Variants in NEGR1 observed in about 807,000 individuals in gnomAD.
The protein encoded by NEGR1 is neuronal growth regulator 1.
Under a neutral mutation model 40.9 loss-of-function variants are expected in NEGR1, and 10 were observed. The ratio of observed to expected loss-of-function variants is 0.24; its 90% CI spans 0.15 to 0.42. The LOEUF (loss-of-function observed/expected upper bound fraction) is 0.42, where lower values mean the gene tolerates loss of function less well. Among genes scored for constraint, NEGR1 ranks in the 10% least tolerant of loss-of-function variants. NEGR1 has a pLI of 1.00. For synonymous variants in NEGR1, 185 were observed against 166.8 expected (o/e 1.11, Z -0.84); for missense variants, 352 against 438.9 (o/e 0.80, Z 1.77).
At chr1:72,127,413 G>A (rs533172833) in intron 1 of NEGR1, among the ~76,000 whole-genome samples, 11 of 120,742 alleles carry the variant, frequency 9.1e-5, no homozygotes, top group African/African-American at 2.9e-4. Flanking sequence ...GCAGTGAGCC[G>A]AGATCACAAC....
At position 71,462,421 on chromosome 1, in the gene NEGR1, G is replaced by A. The variant is rs1188796008; in HGVS notation, c.941-54851C>T. 2.0e-5 allele frequency among the ~76,000 whole-genome samples: 3 copies of A among 152,148 alleles called. 1 individual carries two copies. Among genetic ancestry groups the A allele is most frequent in the Non-Finnish European group, 1.5e-5 (1 of 68,022 alleles). On this transcript the variant is annotated intron_variant, in intron 6 of 6. Transcript: ENST00000357731. ...AAAGAGGAAAATCAAGCACTAATAG[G>A]TGTTCTCAAGGTAGTTCCCTTTTGT... is the stretch of plus-strand genomic sequence containing the variant.
chr1:72,204,325 C>A (rs891559124), intron 1 of NEGR1, among the ~76,000 whole-genome samples: 1 of 152,096 alleles, frequency 6.6e-6, no homozygotes, highest in Non-Finnish European at 1.5e-5. Flanking sequence ...TCCTTCCTCA[C>A]CATTTTTTCC....
chr1:71,783,124 C>T (rs1216797728), intron 2 of NEGR1, among the ~76,000 whole-genome samples: 1 of 151,868 alleles, frequency 6.6e-6, no homozygotes, highest in Non-Finnish European at 1.5e-5. Context: ...TTTGGATGAA[C>T]TATATTTCTG....
chr1:71,581,583 T>A (rs968250244), intron 6 of NEGR1, among the ~76,000 whole-genome samples: 3 of 152,118 alleles, frequency 2.0e-5, no homozygotes, highest in Non-Finnish European at 4.4e-5. Context: ...TGGTTACAGA[T>A]ACATGATTCT....
intron 2 of NEGR1, among the ~76,000 whole-genome samples, chr1:71,830,944 A>G (rs954586527): frequency 7.4e-5 from 11 of 148,716 alleles, no homozygotes; most frequent in African/African-American, 1.7e-4. Context: ...TAGTTGTGGG[A>G]AAAAAAAAAT....
intron 6 of NEGR1, among the ~76,000 whole-genome samples, chr1:71,584,480 A>T (rs1448757221): frequency 6.6e-6 from 1 of 152,268 alleles, no homozygotes; most frequent in East Asian, 1.9e-4. Flanking sequence ...TGATACTCAG[A>T]CCTTCATAAT....
intron 2 of NEGR1, among the ~76,000 whole-genome samples, chr1:71,784,225 T>C (rs868030774): frequency 9.9e-5 from 15 of 152,240 alleles, no homozygotes; most frequent in Admixed American, 3.9e-4. Context: ...TCTAGACCAA[T>C]AGTATGTAGT....
intron 1 of NEGR1, among the ~76,000 whole-genome samples, chr1:72,204,283 C>T (rs947964100): frequency 6.6e-6 from 1 of 152,034 alleles, no homozygotes; most frequent in Non-Finnish European, 1.5e-5. Context: ...CTACTAAACT[C>T]CCTAATTAAT....
rs529944226 is a variant in NEGR1, at chr1:71,419,098, T to C, written c.941-11528A>G. On this transcript the variant is annotated intron_variant, in intron 6 of 6. Transcript: ENST00000357731. Reference sequence around the variant, plus strand: ...AGGATGGAGTCCAGTTATGCACAGCTAGTACCAGTTCAATAGTGTATTATT... The same window carrying C: ...AGGATGGAGTCCAGTTATGCACAGCCAGTACCAGTTCAATAGTGTATTATT... Among the ~76,000 whole-genome samples, 35 of 152,302 alleles carry C rather than the reference T, an allele frequency of 2.3e-4. 1 individual carries two copies. The South Asian group carries it at 7.0e-3, about 31-fold the overall frequency.
At chr1:71,993,936 G>A (rs529910912) in intron 1 of NEGR1, among the ~76,000 whole-genome samples, 5 of 152,006 alleles carry the variant, frequency 3.3e-5, no homozygotes, top group African/African-American at 1.2e-4. Flanking sequence ...TCCAACCAGG[G>A]CCCCAGGAAT....
At chr1:71,810,744 C>G (rs1657972149) in intron 2 of NEGR1, among the ~76,000 whole-genome samples, 1 of 151,992 alleles carries the variant, frequency 6.6e-6, no homozygotes, top group South Asian at 2.1e-4. Context: ...GCTCCTCTCC[C>G]TTCTCTCTCT....
Position 71,772,625 on chromosome 1 carries a change from G to A in NEGR1, c.535+3547C>T, listed in dbSNP as rs372631006. Among the ~76,000 whole-genome samples, 25 of 152,158 alleles carry A rather than the reference G, an allele frequency of 1.6e-4. No homozygotes were observed. The South Asian group carries it at 3.5e-3, about 21-fold the overall frequency. On this transcript the variant is annotated intron_variant, in intron 3 of 6. Transcript: ENST00000357731. ...AATATGGTTGATTAATTGAATAAAC[G>A]TATGATACCAATGTTAAATTTACTG...
intron 6 of NEGR1, among the ~76,000 whole-genome samples, chr1:71,576,842 T>A (rs1248285195): frequency 3.9e-5 from 6 of 152,168 alleles, no homozygotes; most frequent in Non-Finnish European, 8.8e-5. Context: ...AAGTATAGAT[T>A]TGATGCTTTG....
At chr1:71,780,040 C>CAAAAAAAAAAAAA (rs57576840) in intron 2 of NEGR1, among the ~76,000 whole-genome samples, 1,188 of 99,726 alleles carry the variant, frequency 0.012, 11 homozygotes, top group African/African-American at 0.029. Flanking sequence ...ATAGGAAAAC[C>CAAAAAAAAAAAAA]AAAAAAAAAA....
intron 6 of NEGR1, among the ~76,000 whole-genome samples, chr1:71,461,043 C>T (rs111302203): frequency 2.0e-5 from 3 of 151,996 alleles, no homozygotes; most frequent in Non-Finnish European, 4.4e-5. Flanking sequence ...GGTGAACTTT[C>T]TACTCAGGGC....
At chr1:71,706,869 C>G (rs1357971618) in intron 3 of NEGR1, among the ~76,000 whole-genome samples, 1 of 152,002 alleles carries the variant, frequency 6.6e-6, no homozygotes, top group Non-Finnish European at 1.5e-5. Flanking sequence ...CATTGAGGGT[C>G]TTGGTGAGCT....
intron 4 of NEGR1, among the ~76,000 whole-genome samples, chr1:71,631,908 A>C (rs1650983110): frequency 6.6e-6 from 1 of 151,794 alleles, no homozygotes; most frequent in Admixed American, 6.6e-5. Context: ...GTTTGCATTA[A>C]GGAGTAATTC....
chr1:71,946,451 T>C (rs1557448693), intron 1 of NEGR1, among the ~76,000 whole-genome samples: 1 of 152,142 alleles, frequency 6.6e-6, no homozygotes, highest in Non-Finnish European at 1.5e-5. Context: ...TATTGCTATT[T>C]TAAAATAAAA....
chr1:71,687,818 C>G (rs1309635144), intron 4 of NEGR1, among the ~76,000 whole-genome samples: 2 of 152,070 alleles, frequency 1.3e-5, no homozygotes, highest in African/African-American at 4.8e-5. Flanking sequence ...TTTCAATTTA[C>G]GTGAAAGCAG....
Sources: gnomAD v4.1 joint callset for allele counts (sites outside exome capture counted in the v4.1 genomes callset) on GRCh38, gnomAD v4.1.1 for gene constraint, MANE v1.5 for transcripts, NCBI Gene and HGNC (gene_info 2026-07-23, HGNC 2026-07-21) for gene names.